The following STX8 variants were observed in gnomAD, a reference collection of about 807,000 sequenced individuals.
STX8 encodes the protein syntaxin-8.
Under a neutral mutation model 37.5 loss-of-function variants are expected in STX8, and 23 were observed. The ratio of observed to expected loss-of-function variants is 0.61; its 90% CI spans 0.44 to 0.87. The LOEUF (loss-of-function observed/expected upper bound fraction) is 0.87. Among genes scored for constraint, STX8 ranks in the 40% least tolerant of loss-of-function variants. The pLI is 0.00. For synonymous variants in STX8, 115 were observed against 99.1 expected (o/e 1.16, Z -0.95); for missense variants, 313 against 284.7 (o/e 1.10, Z -0.71).
chr17:9,370,655 C>T (rs985334687), intron 7 of STX8, among the ~76,000 whole-genome samples: 3 of 152,180 alleles, frequency 2.0e-5, no homozygotes, highest in Non-Finnish European at 2.9e-5. Context: ...GACAACATTA[C>T]GTAATAGTCA....
chr17:9,274,904 C>T (rs985658953), intron 7 of STX8, among the ~76,000 whole-genome samples: 6 of 151,210 alleles, frequency 4.0e-5, no homozygotes, highest in South Asian at 2.1e-4. Context: ...GCATGCACCA[C>T]CATGCCTGGC....
intron 7 of STX8, among the ~76,000 whole-genome samples, chr17:9,372,352 G>T (rs1911433813): frequency 6.6e-6 from 1 of 151,978 alleles, no homozygotes; most frequent in Non-Finnish European, 1.5e-5. Context: ...TGTGGGAAGG[G>T]TCTCCCATGA....
At chr17:9,441,373 C>G (rs1397288218) in intron 6 of STX8, among the ~76,000 whole-genome samples, 4 of 151,574 alleles carry the variant, frequency 2.6e-5, no homozygotes. Context: ...ACCTGTAGTC[C>G]CAGCTACTTG....
chr17:9,450,645 A>G (rs1905011429), intron 6 of STX8, among the ~76,000 whole-genome samples: 1 of 152,108 alleles, frequency 6.6e-6, no homozygotes, highest in African/African-American at 2.4e-5. Flanking sequence ...GCTATAATAT[A>G]AATTGATGAT....
intron 3 of STX8, among the ~76,000 whole-genome samples, chr17:9,546,447 C>T (rs1197456145): frequency 1.4e-5 from 2 of 144,976 alleles, no homozygotes; most frequent in African/African-American, 2.5e-5. Context: ...AAGAAACCTA[C>T]AATTCACCAA....
intron 6 of STX8, among the ~76,000 whole-genome samples, chr17:9,447,658 A>G (rs1345453986): frequency 2.0e-5 from 3 of 151,882 alleles, no homozygotes; most frequent in Non-Finnish European, 4.4e-5. Context: ...CCTGACCTCA[A>G]GTGATCCACC....
chr17:9,357,826 A>G (rs1250480871), intron 7 of STX8, among the ~76,000 whole-genome samples: 1 of 152,234 alleles, frequency 6.6e-6, no homozygotes, highest in African/African-American at 2.4e-5. Context: ...ACTGATTTCA[A>G]TTGTTTTATT....
At chr17:9,344,492 C>T (rs1910471163) in intron 7 of STX8, among the ~76,000 whole-genome samples, 3 of 152,068 alleles carry the variant, frequency 2.0e-5, no homozygotes, top group Non-Finnish European at 2.9e-5. Flanking sequence ...AACTCCTGAC[C>T]TCAGGTGATC....
chr17:9,572,512 T>C (rs1002403215), intron 1 of STX8, among the ~76,000 whole-genome samples: 23 of 152,132 alleles, frequency 1.5e-4, no homozygotes, highest in African/African-American at 5.6e-4. Context: ...TGGGTTCAAG[T>C]GATTCTCCTG....
chr17:9,440,529 T>TA (rs1555527679), intron 6 of STX8, among the ~76,000 whole-genome samples: 7,716 of 144,364 alleles, frequency 0.053, 581 homozygotes, highest in African/African-American at 0.17. Context: ...TCAATGATTT[T>TA]TTTTTTTTTT....
intron 4 of STX8, among the ~76,000 whole-genome samples, chr17:9,538,873 T>C (rs1280279190): frequency 1.3e-5 from 2 of 152,160 alleles, no homozygotes; most frequent in Non-Finnish European, 2.9e-5. Context: ...GTTTTTTTTT[T>C]TCTCTTTACA....
chr17:9,328,576 G>A (rs1432196489), intron 7 of STX8, among the ~76,000 whole-genome samples: 1 of 152,166 alleles, frequency 6.6e-6, no homozygotes, highest in African/African-American at 2.4e-5. Flanking sequence ...AGAAAGACTT[G>A]ATCACGGGTG....
At chr17:9,416,018 G>T (rs1913179054) in intron 6 of STX8, among the ~76,000 whole-genome samples, 1 of 152,064 alleles carries the variant, frequency 6.6e-6, no homozygotes. Context: ...ACTTTATAAT[G>T]AACCCCACTT....
At chr17:9,317,561 C>T (rs1489643312) in intron 7 of STX8, among the ~76,000 whole-genome samples, 6 of 152,012 alleles carry the variant, frequency 3.9e-5, no homozygotes, top group Non-Finnish European at 7.4e-5. Flanking sequence ...GGCAGGAGAT[C>T]GAGACCATCC....
rs142663468 is a variant in STX8 at position 9,551,875 on chromosome 17, A to G, written c.212+5559T>C. On this transcript the variant is annotated intron_variant, in intron 3 of 7. Transcript: ENST00000306357. ...GACATTCAGGTTTCGTGGACCAGTAATATGTCCAAAAAAACTAGGGGGGGG... is the reference window on the plus strand; with the variant it reads ...GACATTCAGGTTTCGTGGACCAGTAGTATGTCCAAAAAAACTAGGGGGGGG... Among the ~76,000 whole-genome samples, 15 of 152,102 alleles carry G rather than the reference A, an allele frequency of 9.9e-5. 1 individual carries two copies. In the East Asian group the frequency reaches 1.7e-3, roughly 18 times the overall value.
intron 6 of STX8, among the ~76,000 whole-genome samples, chr17:9,379,591 T>C (rs142434971): frequency 1.9e-3 from 296 of 152,336 alleles, no homozygotes; most frequent in African/African-American, 5.8e-3. Flanking sequence ...ATACAGAAAC[T>C]TGTAGCCTTT....
intron 7 of STX8, among the ~76,000 whole-genome samples, chr17:9,256,050 T>G (rs1469115666): frequency 2.0e-5 from 3 of 152,250 alleles, no homozygotes; most frequent in Admixed American, 6.5e-5. Context: ...GAAACAGTCA[T>G]GCGTGCCAGG....
At chr17:9,392,780 T>G (rs78550413) in intron 6 of STX8, among the ~76,000 whole-genome samples, 130 of 152,140 alleles carry the variant, frequency 8.5e-4, no homozygotes, top group African/African-American at 3.0e-3. Context: ...AATAGCAGAA[T>G]GGACATGATA....
At chr17:9,337,783 A>C (rs1374431802) in intron 7 of STX8, among the ~76,000 whole-genome samples, 1 of 152,230 alleles carries the variant, frequency 6.6e-6, no homozygotes, top group Non-Finnish European at 1.5e-5. Flanking sequence ...GCGGGATAGA[A>C]AAGAGGGCAG....
Sources: allele counts gnomAD v4.1 joint callset (sites outside exome capture counted in the v4.1 genomes callset), GRCh38; gene constraint gnomAD v4.1.1; transcripts MANE v1.5; gene names NCBI Gene and HGNC (gene_info 2026-07-23, HGNC 2026-07-21).